Variants in C3orf22 observed in about 807,000 individuals in gnomAD.
The protein encoded by C3orf22 is uncharacterized protein C3orf22.
C3orf22 carries 7 observed loss-of-function variants against 10.8 expected under a neutral mutation model. The observed-to-expected ratio is 0.65, with a 90% CI of 0.37 to 1.22. The LOEUF is 1.22. Ranked by LOEUF, C3orf22 falls within the 50% of genes most tolerant of loss-of-function variation. The pLI, the probability that C3orf22 is intolerant of heterozygous loss-of-function variation, is 0.02. For synonymous variants in C3orf22, 79 were observed against 78.9 expected, an observed-to-expected ratio of 1.00 and a Z score of 0.00; for missense variants, 173 against 177.0, an observed-to-expected ratio of 0.98 and a Z score of 0.13.
chr3:126,548,574 T>C (rs1307041588), downstream of C3orf22, among the ~76,000 whole-genome samples: 2 of 152,236 alleles, frequency 1.3e-5, no homozygotes, highest in African/African-American at 4.8e-5. Context: ...CCCAGGGATC[T>C]TTGCTTCCTG....
At chr3:126,537,558 G>A (rs1004214472) in intron 4 of C3orf22, among the ~76,000 whole-genome samples, 3 of 152,164 alleles carry the variant, frequency 2.0e-5, no homozygotes, top group African/African-American at 7.2e-5. Context: ...AGGTAGGGAG[G>A]CCTTCCTTCG....
At chr3:126,531,971 C>T (rs534029224) in intron 4 of C3orf22, among the ~76,000 whole-genome samples, 1 of 152,340 alleles carries the variant, frequency 6.6e-6, no homozygotes, top group South Asian at 2.1e-4. Flanking sequence ...TATTTACTGT[C>T]TTTTTAAATA....
intron 4 of C3orf22, among the ~76,000 whole-genome samples, chr3:126,540,514 G>A (rs565694598): frequency 2.3e-4 from 35 of 152,250 alleles, no homozygotes; most frequent in Non-Finnish European, 3.4e-4. Flanking sequence ...TGTACTATTC[G>A]CTTGGCATAA....
chr3:126,547,953 A>T (rs146108660), downstream of C3orf22, among the ~76,000 whole-genome samples: 1 of 152,214 alleles, frequency 6.6e-6, no homozygotes, highest in African/African-American at 2.4e-5. Context: ...TCATCACATG[A>T]CTCTTAGCAA....
intron 5 of C3orf22, among the ~76,000 whole-genome samples, chr3:126,528,187 A>G (rs1936574431): frequency 6.6e-6 from 1 of 151,832 alleles, no homozygotes; most frequent in East Asian, 2.0e-4. Context: ...GAAGGCAGGA[A>G]GATACTCTAA....
chr3:126,542,086 G>C, intron 4 of C3orf22: 5 of 1,584,380 alleles, frequency 3.2e-6, no homozygotes, highest in Non-Finnish European at 4.3e-6. Context: ...AGCCCTTCGA[G>C]CGCCTGGCAT....
intron 4 of C3orf22, among the ~76,000 whole-genome samples, chr3:126,539,448 C>T (rs948544318): frequency 2.0e-5 from 3 of 151,672 alleles, no homozygotes; most frequent in African/African-American, 7.3e-5. Flanking sequence ...GACACACACA[C>T]AACCACAAAC....
chr3:126,550,701 A>G (rs952268000), intron 3 of C3orf22, among the ~76,000 whole-genome samples: 4 of 152,054 alleles, frequency 2.6e-5, no homozygotes, highest in South Asian at 2.1e-4. Context: ...AGATGTGGAA[A>G]CCCACCAATG....
chr3:126,536,154 G>T (rs778721103), intron 4 of C3orf22: 3 of 779,382 alleles, frequency 3.8e-6, no homozygotes, highest in African/African-American at 3.4e-5. Context: ...GGCAAGATCC[G>T]GGAAGGAAAT....
Position 126,550,062 on chromosome 3 carries a change from A to T in C3orf22, c.232T>A (p.Phe78Ile). 6.2e-7 allele frequency: 1 copy of T among 1,613,826 alleles called. No individual in the cohort carries two copies. The highest frequency in any genetic ancestry group is 8.5e-7 in the Non-Finnish European group (1 of 1,179,848). The change falls in exon 4 of 4, where the codon TTT (phenylalanine) becomes ATT (isoleucine). Residue 78 changes from phenylalanine to isoleucine, a missense_variant. Transcript: ENST00000318225. ...GGGCAGGAGCCAGACGGTGATGTAA[A>T]ATCTGGAGCCCCGAGCCTAGAGAAG... ...IPVRGLGAPD[F>I]TSPSGSCPAP...
At chr3:126,552,318 G>T (rs899720513) in intron 2 of C3orf22, among the ~76,000 whole-genome samples, 196 bp from the exon 3 acceptor site, 1 of 152,242 alleles carries the variant, frequency 6.6e-6, no homozygotes, top group African/African-American at 2.4e-5. Flanking sequence ...AGGCACAGAG[G>T]TTCCACAGCC....
At position 126,544,595 on chromosome 3, in the gene C3orf22, T is replaced by G. The variant is rs1937036056; in HGVS notation, c.286+4942A>C. On this transcript the variant is annotated intron_variant and NMD_transcript_variant, in intron 4 of 5. Coordinates refer to the C3orf22 transcript ENST00000505070. The stretch of plus-strand genomic sequence containing the variant: ...TGTGTGCAATTGTTGCACACCCATT[T>G]TGATGACACATGCCTTTGTTCCCAG... Among the ~76,000 whole-genome samples the G allele has an allele frequency of 2.6e-5, 4 of 152,296 alleles. No homozygotes were observed. The South Asian group carries it at 8.3e-4, about 32-fold the overall frequency.
intron 4 of C3orf22, among the ~76,000 whole-genome samples, chr3:126,541,547 C>T (rs951008386): frequency 1.3e-5 from 2 of 152,208 alleles, no homozygotes; most frequent in Non-Finnish European, 2.9e-5. Context: ...TCCCAAATCT[C>T]GGCCCAGGAC....
chr3:126,552,118 A>G lies in C3orf22; in HGVS notation c.94T>C (p.Ser32Pro). Residue 32 changes from serine (S) to proline (P), a missense_variant, in exon 3 of 4, where the codon TCG becomes CCG. Ser to Pro is a moderately conservative substitution (Grantham distance 74, BLOSUM62 -1). Coordinates refer to ENST00000318225, the MANE Select transcript of C3orf22 (RefSeq NM_152533.3). ...NFAKKFPYRL[S>P]WLTEPDPEPL... ...TCAGGGTCGGGCTCTGTCAGCCACGACAACCTGCAACAGCACTTGGAATGT... is the reference window on the plus strand; with the variant it reads ...TCAGGGTCGGGCTCTGTCAGCCACGGCAACCTGCAACAGCACTTGGAATGT... 6.2e-7 allele frequency: 1 copy of G among 1,613,764 alleles called. No individual in the cohort carries two copies. Among genetic ancestry groups the G allele is most frequent in the Non-Finnish European group, 8.5e-7 (1 of 1,179,918 alleles).
chr3:126,540,504 T>C (rs1160207882), intron 4 of C3orf22, among the ~76,000 whole-genome samples: 1 of 152,224 alleles, frequency 6.6e-6, no homozygotes, highest in East Asian at 1.9e-4. Context: ...CTTTTGTGAC[T>C]GTACTATTCG....
intron 5 of C3orf22, chr3:126,529,113 A>G (rs1335730851): frequency 7.6e-6 from 3 of 394,426 alleles, no homozygotes; most frequent in African/African-American, 2.1e-5. Flanking sequence ...ATCCCCCTAC[A>G]TGATGGCTGT....
chr3:126,542,759 G>T lies in C3orf22; in HGVS notation c.286+6778C>A, dbSNP rs939646681. The T allele has an allele frequency of 5.5e-6, 5 of 910,960 alleles. No homozygotes were observed. In the African/African-American group the frequency reaches 8.8e-5, roughly 16 times the overall value. 56.4% of individuals were successfully genotyped at this position (910,960 alleles called of 1,614,324 possible). A position where few individuals can be genotyped will look rare whatever the true frequency, so the allele number is the denominator to read the frequency against. ...GCTTGGGGGCAGCCCATCTCAGGTG[G>T]CCCTGCACGCGTGTGCCTGCCTCGG... On this transcript the variant is annotated intron_variant and NMD_transcript_variant, in intron 4 of 5. Coordinates refer to the C3orf22 transcript ENST00000505070.
chr3:126,533,571 T>C (rs1196102308), intron 4 of C3orf22, among the ~76,000 whole-genome samples: 2 of 152,234 alleles, frequency 1.3e-5, no homozygotes, highest in African/African-American at 4.8e-5. Flanking sequence ...CTGGGATCCA[T>C]CCTACTTGGT....
rs9828092 is a variant in C3orf22 at position 126,535,542 on chromosome 3, C to G, written c.287-6170G>C. Among the ~76,000 whole-genome samples the G allele has an allele frequency of 1.8e-3, 76 of 43,294 alleles. 1 individual carries two copies. The highest frequency in any genetic ancestry group is 3.4e-3 in the South Asian group (4 of 1,170). The allele number at this position is 43,294 out of a possible 152,430, so 28.4% of individuals were successfully genotyped here. A position where few individuals can be genotyped will look rare whatever the true frequency, so the allele number is the denominator to read the frequency against. On this transcript the variant is annotated intron_variant and NMD_transcript_variant, in intron 4 of 5. Coordinates refer to the C3orf22 transcript ENST00000505070. ...AGCCGGGAGACACACAGACAGCATCCCTGTCCTCAGCCGGGAGACAGACAG... is the reference window on the plus strand; with the variant it reads ...AGCCGGGAGACACACAGACAGCATCGCTGTCCTCAGCCGGGAGACAGACAG...
Sources: gnomAD v4.1 joint callset for allele counts (sites outside exome capture counted in the v4.1 genomes callset) on GRCh38, gnomAD v4.1.1 for gene constraint, MANE v1.5 for transcripts, NCBI Gene and HGNC (gene_info 2026-07-23, HGNC 2026-07-21) for gene names.